ATF2: variants seen among roughly 807,000 people sequenced by gnomAD.
The protein encoded by ATF2 is activating transcription factor 2.
ATF2 carries 24 observed loss-of-function variants against 60.6 expected under a neutral mutation model. That is an observed-to-expected ratio of 0.40 (90% confidence interval 0.29 to 0.56). The LOEUF is 0.56. ATF2 is among the 20% of genes least tolerant of loss of function. The pLI is 0.54. For missense variants in ATF2, 433 were observed against 607.7 expected (o/e 0.71, Z 3.02); for synonymous variants, 206 against 215.4 (o/e 0.96, Z 0.38).
At position 175,080,645 on chromosome 2, in the gene ATF2, T is replaced by C. The variant is rs768559169; in HGVS notation, c.1291+15A>G. The C allele has an allele frequency of 2.2e-5, 35 of 1,604,466 alleles. No homozygotes were observed. Among genetic ancestry groups the C allele is most frequent in the Non-Finnish European group, 2.9e-5 (34 of 1,172,246 alleles). On this transcript the variant is annotated intron_variant, in intron 13 of 13. Transcript: ENST00000264110. ...TGACGTAGCCTAAGGCTATAGGTAA[T>C]GGAACATTACTCACTATGATAGCCA...
At position 175,141,762 on chromosome 2, in the gene ATF2, G is replaced by A. The variant is rs1698559534; in HGVS notation, c.-43-5276C>T. 1.3e-5 allele frequency among the ~76,000 whole-genome samples: 2 copies of A among 151,904 alleles called. 1 individual carries two copies. Among genetic ancestry groups the A allele is most frequent in the South Asian group, 4.2e-4 (2 of 4,808 alleles). On this transcript the variant is annotated intron_variant, in intron 2 of 13. Coordinates refer to ENST00000264110, the MANE Select transcript of ATF2 (RefSeq NM_001880.4). ...CCCGCCTTGGCCTCCCGAAGTGCTG[G>A]GATTACAGGTGTGAGCCACCGTGCC...
chr2:175,080,449 A>G, intron 13 of ATF2: 1 of 370,354 alleles, frequency 2.7e-6, no homozygotes, highest in Non-Finnish European at 4.8e-6. Context: ...AGTAACGCTT[A>G]GGAAAAAAGC....
At chr2:175,107,840 A>G (rs1008942915) in intron 10 of ATF2, among the ~76,000 whole-genome samples, 7 of 152,196 alleles carry the variant, frequency 4.6e-5, no homozygotes, top group African/African-American at 1.7e-4. Flanking sequence ...AGGTGCCAGG[A>G]TTGCAGACGG....
chr2:175,165,131 A>T (rs1057066313), intron 1 of ATF2, among the ~76,000 whole-genome samples: 1 of 151,772 alleles, frequency 6.6e-6, no homozygotes, highest in African/African-American at 2.4e-5. Flanking sequence ...CTAAGGTGGG[A>T]TTTTTTTTAG....
intron 2 of ATF2, among the ~76,000 whole-genome samples, chr2:175,138,576 A>G (rs1363686350): frequency 6.6e-6 from 1 of 152,168 alleles, no homozygotes; most frequent in African/African-American, 2.4e-5. Flanking sequence ...ACCATGGCCC[A>G]TTTAACAGTA....
At chr2:175,102,772 A>C (rs1695394730) in intron 10 of ATF2, among the ~76,000 whole-genome samples, 1 of 152,168 alleles carries the variant, frequency 6.6e-6, no homozygotes, top group Non-Finnish European at 1.5e-5. Flanking sequence ...AAAAAAAAAA[A>C]AGGAGGACTT....
intron 1 of ATF2, among the ~76,000 whole-genome samples, chr2:175,154,842 TG>T (rs1379585356): frequency 6.6e-6 from 1 of 152,222 alleles, no homozygotes; most frequent in Non-Finnish European, 1.5e-5. Context: ...GCAAATTTCC[TG>T]GTAAGAGCCA....
chr2:175,126,571 T>A (rs1308269871), intron 4 of ATF2, among the ~76,000 whole-genome samples: 1 of 152,136 alleles, frequency 6.6e-6, no homozygotes, highest in Non-Finnish European at 1.5e-5. Context: ...GTTACAGAGG[T>A]CTTTTAACAA....
At chr2:175,165,605 T>C (rs1424257278) in intron 1 of ATF2, among the ~76,000 whole-genome samples, 1 of 152,240 alleles carries the variant, frequency 6.6e-6, no homozygotes, top group Non-Finnish European at 1.5e-5. Context: ...CATAGAGCTT[T>C]CAGATCCTGA....
intron 11 of ATF2, among the ~76,000 whole-genome samples, chr2:175,096,685 A>G (rs889451762): frequency 2.0e-5 from 3 of 152,196 alleles, no homozygotes; most frequent in Non-Finnish European, 4.4e-5. Flanking sequence ...AATCATAAAC[A>G]TATGGCATTT....
intron 2 of ATF2, among the ~76,000 whole-genome samples, chr2:175,147,402 AC>A (rs1699029509): frequency 1.3e-5 from 2 of 152,238 alleles, no homozygotes; most frequent in African/African-American, 4.8e-5. Flanking sequence ...CTGGTGACTA[AC>A]GTTAGAAATA....
chr2:175,146,837 AGTCTCAG>A (rs1698991695), intron 2 of ATF2, among the ~76,000 whole-genome samples: 1 of 152,188 alleles, frequency 6.6e-6, no homozygotes, highest in Non-Finnish European at 1.5e-5. Context: ...TACTATCTAC[AGTCTCAG>A]GCATCCACTG....
At chr2:175,083,715 A>G (rs1196192072) in intron 12 of ATF2, among the ~76,000 whole-genome samples, 2 of 152,164 alleles carry the variant, frequency 1.3e-5, no homozygotes, top group African/African-American at 4.8e-5. Context: ...GCAACCTACA[A>G]AATGGAAGAA....
chr2:175,105,218 C>T lies in ATF2; in HGVS notation c.828+6350G>A, dbSNP rs192216788. On this transcript the variant is annotated intron_variant, in intron 10 of 13. Transcript: ENST00000264110. ...CTTAGGAAAGCACTAGGTTTTTAAA[C>T]TTGTAATCTTAATAAATCTTATATT... 2.6e-5 allele frequency among the ~76,000 whole-genome samples: 4 copies of T among 151,986 alleles called. No individual in the cohort carries two copies. The East Asian group carries it at 7.7e-4, about 29-fold the overall frequency.
intron 1 of ATF2, among the ~76,000 whole-genome samples, chr2:175,161,538 A>C (rs1700028608): frequency 6.6e-6 from 1 of 152,224 alleles, no homozygotes; most frequent in African/African-American, 2.4e-5. Flanking sequence ...TAAGTGGTAG[A>C]CCCCTGATAA....
At chr2:175,136,297 T>C (rs1698139255) in intron 3 of ATF2, 115 bp downstream of exon 3, 2 of 995,780 alleles carry the variant, frequency 2.0e-6, no homozygotes, top group South Asian at 1.4e-5. Flanking sequence ...AGTAAGTGAC[T>C]TGTTTTGTAT....
At chr2:175,155,727 T>C (rs1400534683) in intron 1 of ATF2, among the ~76,000 whole-genome samples, 1 of 152,104 alleles carries the variant, frequency 6.6e-6, no homozygotes, top group Non-Finnish European at 1.5e-5. Flanking sequence ...AAAATAAAGT[T>C]TAATAAGAAA....
At chr2:175,106,566 T>C (rs1239832399) in intron 10 of ATF2, among the ~76,000 whole-genome samples, 1 of 150,620 alleles carries the variant, frequency 6.6e-6, no homozygotes, top group Non-Finnish European at 1.5e-5. Context: ...TCAGGTGCAG[T>C]GACTCACGCC....
At chr2:175,142,482 T>C (rs563636654) in intron 2 of ATF2, among the ~76,000 whole-genome samples, 1 of 152,268 alleles carries the variant, frequency 6.6e-6, no homozygotes, top group South Asian at 2.1e-4. Flanking sequence ...TCCAGTTTTC[T>C]AAGATAGTTC....
Sources: allele counts gnomAD v4.1 joint callset (sites outside exome capture counted in the v4.1 genomes callset), GRCh38; gene constraint gnomAD v4.1.1; transcripts MANE v1.5; gene names NCBI Gene and HGNC (gene_info 2026-07-23, HGNC 2026-07-21).